IQCM: variants seen among roughly 807,000 people sequenced by gnomAD.
IQCM encodes IQ motif containing M.
A neutral mutation model predicts 57.6 loss-of-function variants in IQCM; 45 were observed. That is an observed-to-expected ratio of 0.78 (90% CI 0.62 to 1.00). The LOEUF (loss-of-function observed/expected upper bound fraction) is 1.00, where lower values mean the gene tolerates loss of function less well. Among genes scored for constraint, IQCM ranks in the 50% least tolerant of loss-of-function variants. The pLI is 0.00. For missense variants in IQCM, 468 were observed against 511.6 expected (o/e 0.91, Z 0.82); for synonymous variants, 148 against 158.9 (o/e 0.93, Z 0.51).
intron 12 of IQCM, among the ~76,000 whole-genome samples, chr4:149,470,973 G>A (rs1172849661): frequency 6.6e-6 from 1 of 152,180 alleles, no homozygotes; most frequent in Non-Finnish European, 1.5e-5. Context: ...AAAGCAGTGT[G>A]TAGAGGGAAA....
At chr4:149,601,626 G>T (rs921779336) in intron 8 of IQCM, among the ~76,000 whole-genome samples, 8 of 151,972 alleles carry the variant, frequency 5.3e-5, no homozygotes, top group Admixed American at 4.6e-4. Context: ...TCACCAAATT[G>T]TACTTCAGGC....
intron 12 of IQCM, among the ~76,000 whole-genome samples, chr4:149,534,627 T>C (rs1170986616): frequency 6.6e-6 from 1 of 152,058 alleles, no homozygotes; most frequent in East Asian, 1.9e-4. Context: ...ACTCAACAGT[T>C]TTATGGTAGG....
At chr4:149,390,454 A>G (rs1016531683) in intron 13 of IQCM, among the ~76,000 whole-genome samples, 2 of 151,772 alleles carry the variant, frequency 1.3e-5, no homozygotes, top group Non-Finnish European at 2.9e-5. Flanking sequence ...TAGAACATCA[A>G]GTGCAATGTT....
At chr4:149,532,094 G>A (rs1746806866) in intron 12 of IQCM, among the ~76,000 whole-genome samples, 1 of 151,858 alleles carries the variant, frequency 6.6e-6, no homozygotes, top group Admixed American at 6.6e-5. Flanking sequence ...ACTCATGCTT[G>A]GCCGGCTCTG....
chr4:149,553,129 T>C lies in IQCM; in HGVS notation c.1093+14A>G, dbSNP rs578066560. The C allele has an allele frequency of 2.4e-6, 3 of 1,231,440 alleles. No individual in the cohort carries two copies. The highest frequency in any genetic ancestry group is 4.1e-5 in the South Asian group (1 of 24,306). 76.3% of individuals were successfully genotyped at this position (1,231,440 alleles called of 1,614,324 possible). On this transcript the variant is annotated intron_variant, in intron 11 of 13. Transcript: ENST00000636793. ...CAAACTTAAATTCAAACCAGAAGTGTCTGCATCACTTACATTTTTTTCGGT... is the reference window on the plus strand; with the variant it reads ...CAAACTTAAATTCAAACCAGAAGTGCCTGCATCACTTACATTTTTTTCGGT...
intron 13 of IQCM, among the ~76,000 whole-genome samples, chr4:149,426,798 A>C (rs536244212): frequency 2.6e-5 from 4 of 151,936 alleles, no homozygotes; most frequent in Non-Finnish European, 4.4e-5. Context: ...CTCTTTTATG[A>C]TCTGGACTCA....
intron 12 of IQCM, among the ~76,000 whole-genome samples, chr4:149,461,060 C>T (rs576843238): frequency 6.6e-6 from 1 of 151,838 alleles, no homozygotes; most frequent in Non-Finnish European, 1.5e-5. Flanking sequence ...CATGGAGAAA[C>T]CCAGTCTCTA....
intron 8 of IQCM, among the ~76,000 whole-genome samples, chr4:149,590,538 G>A (rs756150140): frequency 3.3e-5 from 5 of 151,754 alleles, no homozygotes; most frequent in Non-Finnish European, 5.9e-5. Context: ...TGCCACGGTG[G>A]TTTGCTGCAC....
At chr4:149,751,378 C>T (rs1231910623) in intron 2 of IQCM, among the ~76,000 whole-genome samples, 1 of 152,180 alleles carries the variant, frequency 6.6e-6, no homozygotes, top group Middle Eastern at 3.2e-3. Context: ...GTGAAGAGCA[C>T]AGACTTGCTC....
chr4:149,521,527 A>G (rs2149832162), intron 12 of IQCM, among the ~76,000 whole-genome samples: 1 of 152,368 alleles, frequency 6.6e-6, no homozygotes, highest in African/African-American at 2.4e-5. Flanking sequence ...TCCTCAGAAT[A>G]GGTCAGATGT....
intron 7 of IQCM, among the ~76,000 whole-genome samples, chr4:149,672,032 A>C (rs1016009580): frequency 2.0e-5 from 3 of 152,100 alleles, no homozygotes; most frequent in Non-Finnish European, 4.4e-5. Flanking sequence ...ACCTCCAGCA[A>C]ACTCCAACAG....
chr4:149,624,635 C>T (rs895742483), intron 7 of IQCM, among the ~76,000 whole-genome samples: 6 of 152,184 alleles, frequency 3.9e-5, no homozygotes, highest in Non-Finnish European at 7.4e-5. Flanking sequence ...GTAGTTAAAA[C>T]AATCCCCACA....
intron 12 of IQCM, among the ~76,000 whole-genome samples, chr4:149,492,577 T>A (rs1380438161): frequency 6.6e-6 from 1 of 152,116 alleles, no homozygotes; most frequent in African/African-American, 2.4e-5. Flanking sequence ...AGCTACAAGA[T>A]TAATGATAGC....
At chr4:149,429,264 G>C (rs1209404075) in intron 13 of IQCM, among the ~76,000 whole-genome samples, 3 of 151,802 alleles carry the variant, frequency 2.0e-5, no homozygotes, top group Admixed American at 2.0e-4. Flanking sequence ...AAAGACAACG[G>C]AAGATAAGTT....
intron 7 of IQCM, among the ~76,000 whole-genome samples, chr4:149,677,927 C>G (rs2150194582): frequency 6.6e-6 from 1 of 151,328 alleles, no homozygotes; most frequent in Admixed American, 6.6e-5. Context: ...CAGAAAGGAT[C>G]AAGAAGAGCA....
chr4:149,638,194 G>A (rs955380827), intron 7 of IQCM, among the ~76,000 whole-genome samples: 14 of 152,156 alleles, frequency 9.2e-5, no homozygotes, highest in Admixed American at 9.2e-4. Flanking sequence ...AGCATCATTA[G>A]TCATCAGGCA....
intron 7 of IQCM, among the ~76,000 whole-genome samples, chr4:149,669,859 A>G (rs542016216): frequency 6.6e-6 from 1 of 152,186 alleles, no homozygotes; most frequent in East Asian, 1.9e-4. Context: ...TACCAGCACC[A>G]TGCTGTTTTG....
intron 12 of IQCM, among the ~76,000 whole-genome samples, chr4:149,528,438 A>G (rs1746401486): frequency 6.6e-6 from 1 of 152,214 alleles, no homozygotes; most frequent in Admixed American, 6.5e-5. Context: ...TATCTGCTAC[A>G]TGGCAAGGAT....
At chr4:149,747,313 C>T (rs1015479759) in intron 2 of IQCM, among the ~76,000 whole-genome samples, 2 of 152,096 alleles carry the variant, frequency 1.3e-5, no homozygotes, top group African/African-American at 4.8e-5. Flanking sequence ...TTCCAAGACC[C>T]CTGTAGATGT....
Sources: allele counts gnomAD v4.1 joint callset (sites outside exome capture counted in the v4.1 genomes callset), GRCh38; gene constraint gnomAD v4.1.1; transcripts MANE v1.5; gene names NCBI Gene and HGNC (gene_info 2026-07-23, HGNC 2026-07-21).